NAPSA: variants seen among roughly 807,000 people sequenced by gnomAD.
NAPSA encodes napsin A aspartic peptidase, also known as napsin-A.
A neutral mutation model predicts 36.7 loss-of-function variants in NAPSA; 37 were observed. The ratio of observed to expected loss-of-function variants is 1.01; its 90% CI spans 0.78 to 1.33. NAPSA has a LOEUF of 1.33. Ranked by LOEUF, NAPSA falls within the 40% of genes most tolerant of loss-of-function variation. NAPSA has a pLI of 0.00. For synonymous variants in NAPSA, 222 were observed against 234.5 expected (o/e 0.95, Z 0.49); for missense variants, 532 against 543.8 (o/e 0.98, Z 0.21).
chr19:50,358,918 T>C, intron 8 of NAPSA, 93 bp downstream of exon 8: 1 of 1,358,300 alleles, frequency 7.4e-7, no homozygotes, highest in Non-Finnish European at 1.0e-6. Flanking sequence ...GAAATGTTTC[T>C]GTGGCCCCTT....
Position 50,359,802 on chromosome 19 carries a change from G to T in NAPSA, c.729C>A (p.Tyr243Ter). The change falls in exon 6 of 9, where the codon TAC becomes TAA. Residue 243 changes from tyrosine to a stop codon, truncating the protein, a stop_gained. Transcript: ENST00000253719. LOFTEE classifies it high-confidence loss of function. ...CTGGCACGAAGGTGAGGGGTGGGAT[G>T]TAGTGTGCCGGGTCCGAGCCCCCCA... ...LVLGGSDPAH[Y>*]IPPLTFVPVT... The T allele has an allele frequency of 6.2e-7, 1 of 1,614,220 alleles. No individual in the cohort carries two copies. The highest frequency in any genetic ancestry group is 8.5e-7 in the Non-Finnish European group (1 of 1,180,032).
rs1329542373 is a variant in NAPSA, at chr19:50,361,716, T to TGGC, written c.412_414dup (p.Ala138dup). 6 of 1,613,978 alleles carry TGGC rather than the reference T, an allele frequency of 3.7e-6. No homozygotes were observed. The Admixed American group carries it at 5.0e-5, about 13-fold the overall frequency. On this transcript the variant is annotated inframe_insertion, in exon 4 of 9. Coordinates refer to ENST00000253719, the MANE Select transcript of NAPSA (RefSeq NM_004851.3). Reference sequence around the variant, plus strand: ...TCTACCCGCCCAGTTCCATATTGAATGGCAAACTTGGTCCCATTGGCCTGG... The same window carrying TGGC: ...TCTACCCGCCCAGTTCCATATTGAATGGCGGCAAACTTGGTCCCATTGGCCTGG...
upstream of NAPSA, chr19:50,365,828 C>A (rs567924106): frequency 1.2e-4 from 55 of 471,888 alleles, no homozygotes; most frequent in African/African-American, 1.1e-3. Context: ...TCCTGTGCTC[C>A]TGGTGCTCCT....
rs765025566 is a variant in NAPSA at position 50,365,556 on chromosome 19, G to A, written c.66C>T (p.Ser22=). ...LLLPLLNVEP[S]GATLIRIPLH... ...CACCATACCGGATCAGTGTGGCCCC[G>A]GAAGGCTCCACATTCAGCAGAGGCA... is the stretch of plus-strand genomic sequence containing the variant. The change falls in exon 1 of 9, where the codon TCC becomes TCT. Residue 22 remains serine (S), a synonymous_variant. Transcript: ENST00000253719. 3.0e-5 allele frequency: 48 copies of A among 1,613,432 alleles called. 1 individual carries two copies. In the East Asian group the frequency reaches 5.3e-4, roughly 18 times the overall value.
At position 50,358,525 on chromosome 19, in the gene NAPSA, C is replaced by G. The variant is rs1297956155; in HGVS notation, c.*28G>C. ...CTGGGTAGCAGGACCTCCGCGACCA[C>G]CCGCTGCGCATGCGCTTCACTTGGG... On this transcript the variant is annotated 3_prime_UTR_variant, in exon 9 of 9. Transcript: ENST00000253719. 6.5e-7 allele frequency: 1 copy of G among 1,539,630 alleles called. No individual in the cohort carries two copies. The highest frequency in any genetic ancestry group is 2.4e-5 in the East Asian group (1 of 42,176).
At chr19:50,368,214 G>A (rs1273339110), upstream of NAPSA, among the ~76,000 whole-genome samples, 2 of 150,996 alleles carry the variant, frequency 1.3e-5, no homozygotes, top group African/African-American at 2.4e-5. Flanking sequence ...GTGGGGGTGC[G>A]TTTGGGAGGC....
upstream of NAPSA, among the ~76,000 whole-genome samples, chr19:50,366,584 G>T (rs183454395): frequency 3.3e-4 from 50 of 152,166 alleles, 1 homozygote; most frequent in Admixed American, 1.2e-3. Context: ...TGTTTGGTAA[G>T]GTCATTTATT....
intron 1 of NAPSA, among the ~76,000 whole-genome samples, chr19:50,365,136 C>A (rs963075643): frequency 2.0e-5 from 3 of 150,824 alleles, no homozygotes; most frequent in African/African-American, 7.3e-5. Context: ...GGGTTCCAGA[C>A]CAGCCTGGCC....
chr19:50,358,633 G>C lies in NAPSA; in HGVS notation c.1183C>G (p.Arg395Gly), dbSNP rs754381661. 2 of 1,612,804 alleles carry C rather than the reference G, an allele frequency of 1.2e-6. No homozygotes were observed. Among genetic ancestry groups the C allele is most frequent in the Non-Finnish European group, 1.7e-6 (2 of 1,179,868 alleles). The change falls in exon 9 of 9, where the codon CGG becomes GGG. Residue 395 changes from arginine (R) to glycine (G), a missense_variant. Arg to Gly is a moderately radical substitution (Grantham distance 125). Coordinates refer to ENST00000253719, the MANE Select transcript of NAPSA (RefSeq NM_004851.3). ...FDRGDMKSSA[R>G]VGLARARTRG... ...GTGCGAGCGCGCGCCAGGCCCACCCGGGCGCTGCTCTTCATGTCCCCGCGG... is the reference window on the plus strand; with the variant it reads ...GTGCGAGCGCGCGCCAGGCCCACCCCGGCGCTGCTCTTCATGTCCCCGCGG...
At chr19:50,359,208 C>G in intron 7 of NAPSA, 99 bp from the exon 8 acceptor site, 1 of 1,094,072 alleles carries the variant, frequency 9.1e-7, no homozygotes, top group Non-Finnish European at 1.4e-6. Context: ...CTATTGAGCA[C>G]CTGGGTACTC....
chr19:50,366,091 G>C (rs2037546054), upstream of NAPSA: 1 of 152,680 alleles, frequency 6.5e-6, no homozygotes, highest in South Asian at 2.1e-4. Context: ...TCAGGACCCA[G>C]TCTCTTACTG....
chr19:50,365,556 G>T lies in NAPSA; in HGVS notation c.66C>A (p.Ser22=). 3.1e-6 allele frequency: 5 copies of T among 1,613,552 alleles called. No homozygotes were observed. The highest frequency in any genetic ancestry group is 4.2e-6 in the Non-Finnish European group (5 of 1,179,804). The part of the protein sequence containing the change: ...LLLPLLNVEP[S]GATLIRIPLH... Reference sequence around the variant, plus strand: ...CACCATACCGGATCAGTGTGGCCCCGGAAGGCTCCACATTCAGCAGAGGCA... The same window carrying T: ...CACCATACCGGATCAGTGTGGCCCCTGAAGGCTCCACATTCAGCAGAGGCA... Residue 22 remains serine (S), a synonymous_variant, in exon 1 of 9, where the codon TCC becomes TCA. Transcript: ENST00000253719.
At chr19:50,364,646 G>C (rs1458135278) in intron 1 of NAPSA, among the ~76,000 whole-genome samples, 1 of 148,972 alleles carries the variant, frequency 6.7e-6, no homozygotes, top group Non-Finnish European at 1.5e-5. Flanking sequence ...GTCCTGAGAG[G>C]AGGGGGAGGG....
intron 4 of NAPSA, 196 bp downstream of exon 4, chr19:50,361,467 C>T (rs1451213748): frequency 2.4e-5 from 15 of 613,984 alleles, no homozygotes; most frequent in Non-Finnish European, 4.0e-5. Flanking sequence ...GAAGCCCCAC[C>T]TCTTCACCCA....
rs1488276618 is a variant in NAPSA, at chr19:50,365,606, G to T, written c.16C>A (p.Leu6Met). 1 of 1,612,138 alleles carries T rather than the reference G, an allele frequency of 6.2e-7. No homozygotes were observed. Among genetic ancestry groups the T allele is most frequent in the South Asian group, 1.1e-5 (1 of 90,904 alleles). ...AGCAGCAGCAGCAGGGGTTGCAGCA[G>T]CGGTGGTGGAGACATCGCTGGGGAC... MSPPP[L>M]LQPLLLLLPL... is the part of the protein sequence containing the mutation. Residue 6 changes from leucine (L) to methionine (M), a missense_variant, in exon 1 of 9, where the codon CTG (leucine) becomes ATG (methionine). By Grantham distance (15) the Leu-to-Met change is conservative. Transcript: ENST00000253719.
intron 1 of NAPSA, among the ~76,000 whole-genome samples, chr19:50,364,828 C>A (rs1243154294): frequency 6.7e-6 from 1 of 148,248 alleles, no homozygotes; most frequent in Non-Finnish European, 1.5e-5. Context: ...CCCATCTCTA[C>A]TAAAAATACA....
chr19:50,367,905 C>G (rs1601131981), upstream of NAPSA, among the ~76,000 whole-genome samples: 1 of 152,088 alleles, frequency 6.6e-6, no homozygotes, highest in Non-Finnish European at 1.5e-5. Context: ...TGCCTGTAAT[C>G]CCAGCACTTT....
chr19:50,362,568 T>G, intron 1 of NAPSA: 2 of 319,404 alleles, frequency 6.3e-6, no homozygotes, highest in Non-Finnish European at 1.1e-5. Flanking sequence ...AAATAAGCTA[T>G]TCCCAAGGAA....
Position 50,359,741 on chromosome 19 carries a change from G to A in NAPSA, c.790C>T (p.Arg264Cys), listed in dbSNP as rs372372402. 15 of 1,614,082 alleles carry A rather than the reference G, an allele frequency of 9.3e-6. No homozygotes were observed. The highest frequency in any genetic ancestry group is 2.2e-5 in the South Asian group (2 of 91,094). ...GAGCCAGGAGACCAAGTCCCTCACCGCTCCATGTGGATCTGCCAGTAGGCA... is the reference window on the plus strand; with the variant it reads ...GAGCCAGGAGACCAAGTCCCTCACCACTCCATGTGGATCTGCCAGTAGGCA... ...VPAYWQIHME[R>C]VKVGPGLTLC... Residue 264 changes from arginine (R) to cysteine (C), a missense_variant and splice_region_variant, in exon 6 of 9, where the codon CGT (arginine) becomes TGT (cysteine). Arg to Cys is a radical substitution (Grantham distance 180). Transcript: ENST00000253719.
Sources: allele counts gnomAD v4.1 joint callset (sites outside exome capture counted in the v4.1 genomes callset), GRCh38; gene constraint gnomAD v4.1.1; transcripts MANE v1.5; gene names NCBI Gene and HGNC (gene_info 2026-07-23, HGNC 2026-07-21).